PHLDA3: variants seen among roughly 807,000 people sequenced by gnomAD.
PHLDA3 encodes the protein pleckstrin homology like domain family A member 3, also known as pleckstrin homology-like domain family A member 3.
Under a neutral mutation model 7.6 loss-of-function variants are expected in PHLDA3, and 12 were observed. The observed-to-expected ratio is 1.58, with a 90% confidence interval of 1.01 to 2.55. The LOEUF (loss-of-function observed/expected upper bound fraction) is 2.55. Ranked by LOEUF, PHLDA3 falls within the 30% of genes most tolerant of loss-of-function variation. The pLI is 0.00. For missense variants in PHLDA3, 177 were observed against 175.6 expected (o/e 1.01, Z -0.05); for synonymous variants, 104 against 85.1 (o/e 1.22, Z -1.23).
In PHLDA3 at chr1:201,468,486, C is replaced by G. The variant is rs1284437492; in HGVS notation, c.301G>C (p.Gly101Arg). 1 of 1,614,176 alleles carries G rather than the reference C, an allele frequency of 6.2e-7. No individual in the cohort carries two copies. Among genetic ancestry groups the G allele is most frequent in the Admixed American group, 1.7e-5 (1 of 60,024 alleles). ...TGCTGGTTCTTGAACTTGACCAGGC[C>G]TAGGGTGATCTGGGCGTTCCAGCCG... ...DPGWNAQITL[G>R]LVKFKNQQAI... Residue 101 changes from glycine (G) to arginine (R), a missense_variant, in exon 1 of 2, where the codon GGC becomes CGC. Transcript: ENST00000367311.
chr1:201,467,102 G>A (rs1022305986), intron 1 of PHLDA3, among the ~76,000 whole-genome samples: 1 of 152,100 alleles, frequency 6.6e-6, no homozygotes, highest in Non-Finnish European at 1.5e-5. Context: ...CTTGAGCTCA[G>A]GAGTTCGAAA....
At position 201,468,538 on chromosome 1, in the gene PHLDA3, G is replaced by C. The variant is rs1167268749; in HGVS notation, c.249C>G (p.Ile83Met). ...GATCTTCCAGGGGGCAGCGGAAGTC[G>C]ATCTCGCCGCCCCCTTCGGTCACCA... ...FTLVTEGGGEIDFRCPLEDPG... is the reference protein window; with the variant it reads ...FTLVTEGGGEMDFRCPLEDPG... Residue 83 changes from isoleucine to methionine, a missense_variant, in exon 1 of 2, where the codon ATC becomes ATG. Physicochemically the swap from Ile to Met is conservative, Grantham distance 10. Transcript: ENST00000367311. The C allele has an allele frequency of 1.9e-6, 3 of 1,614,102 alleles. No individual in the cohort carries two copies. Among genetic ancestry groups the C allele is most frequent in the Admixed American group, 1.7e-5 (1 of 60,026 alleles).
In PHLDA3 at chr1:201,464,419, A is replaced by G. The variant is rs1663611202; in HGVS notation, c.*1822T>C. On this transcript the variant is annotated 3_prime_UTR_variant, in exon 2 of 2. Coordinates refer to ENST00000367311, the MANE Select transcript of PHLDA3 (RefSeq NM_012396.5). ...ACATATTTATAAAAGTTCTGTTGTAATTAACAAATTCTCATTCAACTGTGT... is the reference window on the plus strand; with the variant it reads ...ACATATTTATAAAAGTTCTGTTGTAGTTAACAAATTCTCATTCAACTGTGT... 2 of 152,250 alleles carry G rather than the reference A, an allele frequency of 1.3e-5. No homozygotes were observed. The highest frequency in any genetic ancestry group is 2.9e-5 in the Non-Finnish European group (2 of 68,050). The allele number at this position is 152,250 out of a possible 1,614,324, so 9.4% of individuals were successfully genotyped here.
chr1:201,466,559 A>G (rs1162674002), intron 1 of PHLDA3: 1 of 152,102 alleles, frequency 6.6e-6, no homozygotes, highest in Non-Finnish European at 1.5e-5. Context: ...TAGTGGGGAG[A>G]GAAGGATCTA....
chr1:201,465,568 C>G lies in PHLDA3; in HGVS notation c.*673G>C, dbSNP rs561303441. ...ATGCTAATGGCCAAACCCCCCCTCA[C>G]CCCCACCACCTTCAGGCCGAACACC... On this transcript the variant is annotated 3_prime_UTR_variant, in exon 2 of 2. Transcript: ENST00000367311. 1 of 155,114 alleles carries G rather than the reference C, an allele frequency of 6.4e-6. No homozygotes were observed. The highest frequency in any genetic ancestry group is 2.0e-4 in the South Asian group (1 of 4,928). The allele number at this position is 155,114 out of a possible 1,614,324, so 9.6% of individuals were successfully genotyped here.
At chr1:201,466,542 G>A (rs1663670156) in intron 1 of PHLDA3, 1 of 152,184 alleles carries the variant, frequency 6.6e-6, no homozygotes, top group Admixed American at 6.5e-5. Context: ...GGTCGCCTAG[G>A]AGGTGGTAGT....
At chr1:201,467,639 T>TACAC (rs56225084) in intron 1 of PHLDA3, 10,814 of 139,770 alleles carry the variant, frequency 0.077, 469 homozygotes, top group Middle Eastern at 0.12. Flanking sequence ...CAACAAACCA[T>TACAC]ACACACACAC....
chr1:201,469,142 G>T lies in PHLDA3; in HGVS notation c.-356C>A. 1 of 229,618 alleles carries T rather than the reference G, an allele frequency of 4.4e-6. No individual in the cohort carries two copies. The allele number at this position is 229,618 out of a possible 1,614,324, so 14.2% of individuals were successfully genotyped here. A position where few individuals can be genotyped will look rare whatever the true frequency, so the allele number is the denominator to read the frequency against. ...CTCCCCTGGGCTCTGTCTGCGCGCT[G>T]GGCGGCAGCTCGCGGGATGTGCCCT... On this transcript the variant is annotated 5_prime_UTR_variant, in exon 1 of 2. Coordinates refer to ENST00000367311, the MANE Select transcript of PHLDA3 (RefSeq NM_012396.5).
chr1:201,468,726 C>T lies in PHLDA3; in HGVS notation c.61G>A (p.Gly21Arg), dbSNP rs1341240262. The T allele has an allele frequency of 6.2e-7, 1 of 1,601,752 alleles. No individual in the cohort carries two copies. The highest frequency in any genetic ancestry group is 8.5e-7 in the Non-Finnish European group (1 of 1,177,910). ...KEGVLEKRSGGLLQLWKRKRC... is the reference protein window; with the variant it reads ...KEGVLEKRSGRLLQLWKRKRC... ...TTCCGCTTCCACAGCTGCAGCAGCC[C>T]GCCGCTGCGCTTCTCCAGCACGCCC... The change falls in exon 1 of 2, where the codon GGG (glycine) becomes AGG (arginine). Residue 21 changes from glycine (G) to arginine (R), a missense_variant. Gly to Arg is a moderately radical substitution (Grantham distance 125). Coordinates refer to ENST00000367311, the MANE Select transcript of PHLDA3 (RefSeq NM_012396.5).
At chr1:201,467,261 A>T (rs1663686863) in intron 1 of PHLDA3, among the ~76,000 whole-genome samples, 1 of 152,070 alleles carries the variant, frequency 6.6e-6, no homozygotes, top group Non-Finnish European at 1.5e-5. Context: ...GGCTGCAGTG[A>T]GCCATGACTA....
At chr1:201,468,038 C>T (rs965835276) in intron 1 of PHLDA3, among the ~76,000 whole-genome samples, 1 of 152,238 alleles carries the variant, frequency 6.6e-6, no homozygotes, top group African/African-American at 2.4e-5. Flanking sequence ...TTCCTTCCAC[C>T]TGAGTCAGGG....
In PHLDA3 at chr1:201,464,906, A is replaced by C. The variant is rs1466639626; in HGVS notation, c.*1335T>G. 1 of 152,170 alleles carries C rather than the reference A, an allele frequency of 6.6e-6. No homozygotes were observed. Among genetic ancestry groups the C allele is most frequent in the East Asian group, 1.9e-4 (1 of 5,198 alleles). The allele number at this position is 152,170 out of a possible 1,614,324, so 9.4% of individuals were successfully genotyped here. A position where few individuals can be genotyped will look rare whatever the true frequency, so the allele number is the denominator to read the frequency against. On this transcript the variant is annotated 3_prime_UTR_variant, in exon 2 of 2. Coordinates refer to ENST00000367311, the MANE Select transcript of PHLDA3 (RefSeq NM_012396.5). ...CAGCTCACTGTAACCTCTGCCTCCC[A>C]GGTTCAAGCAATTCTCCTGCCTCAG...
chr1:201,468,491 G>A lies in PHLDA3; in HGVS notation c.296C>T (p.Thr99Ile), dbSNP rs1230945819. The stretch of plus-strand genomic sequence containing the variant: ...GTTCTTGAACTTGACCAGGCCTAGG[G>A]TGATCTGGGCGTTCCAGCCGGGATC... Reference protein sequence around the residue: ...LEDPGWNAQITLGLVKFKNQQ... With the variant: ...LEDPGWNAQIILGLVKFKNQQ... Residue 99 changes from threonine (T) to isoleucine (I), a missense_variant, in exon 1 of 2, where the codon ACC becomes ATC. Transcript: ENST00000367311. 6.2e-7 allele frequency: 1 copy of A among 1,614,102 alleles called. No homozygotes were observed.
At chr1:201,467,126 C>A (rs1033009202) in intron 1 of PHLDA3, among the ~76,000 whole-genome samples, 1 of 151,766 alleles carries the variant, frequency 6.6e-6, no homozygotes, top group African/African-American at 2.4e-5. Context: ...GCATGGGCAA[C>A]GTGGGGAAAC....
chr1:201,468,556 G>T lies in PHLDA3; in HGVS notation c.231C>A (p.Thr77=). 6.2e-7 allele frequency: 1 copy of T among 1,614,008 alleles called. No homozygotes were observed. Among genetic ancestry groups the T allele is most frequent in the South Asian group, 1.1e-5 (1 of 91,078 alleles). Residue 77 remains threonine, a synonymous_variant, in exon 1 of 2, where the codon ACC becomes ACA. Transcript: ENST00000367311. ...TGRHIYFTLV[T]EGGGEIDFRC... is the part of the protein sequence containing the mutation. Reference sequence around the variant, plus strand: ...GGAAGTCGATCTCGCCGCCCCCTTCGGTCACCAGCGTGAAGTAGATGTGGC... The same window carrying T: ...GGAAGTCGATCTCGCCGCCCCCTTCTGTCACCAGCGTGAAGTAGATGTGGC...
rs1454435740 is a variant in PHLDA3 at position 201,468,513 on chromosome 1, G to T, written c.274C>A (p.Pro92Thr). The T allele has an allele frequency of 1.9e-6, 3 of 1,614,068 alleles. No individual in the cohort carries two copies. Among genetic ancestry groups the T allele is most frequent in the South Asian group, 1.1e-5 (1 of 91,090 alleles). The stretch of plus-strand genomic sequence containing the variant: ...AGGGTGATCTGGGCGTTCCAGCCGG[G>T]ATCTTCCAGGGGGCAGCGGAAGTCG... ...EIDFRCPLED[P>T]GWNAQITLGL... Residue 92 changes from proline (P) to threonine (T), a missense_variant, in exon 1 of 2, where the codon CCC becomes ACC. Physicochemically the swap from Pro to Thr is conservative, Grantham distance 38. Transcript: ENST00000367311.
rs1212761259 is a variant in PHLDA3 at position 201,465,277 on chromosome 1, C to G, written c.*964G>C. 1 of 152,268 alleles carries G rather than the reference C, an allele frequency of 6.6e-6. No individual in the cohort carries two copies. Among genetic ancestry groups the G allele is most frequent in the Non-Finnish European group, 1.5e-5 (1 of 68,072 alleles). The allele number at this position is 152,268 out of a possible 1,614,324, so 9.4% of individuals were successfully genotyped here. ...GGTAGCCTCCTGTAGAAGAGACATT[C>G]ATAGGGACTGAACTGACCAGCTTGA... is the stretch of plus-strand genomic sequence containing the variant. On this transcript the variant is annotated 3_prime_UTR_variant, in exon 2 of 2. Coordinates refer to ENST00000367311, the MANE Select transcript of PHLDA3 (RefSeq NM_012396.5).
chr1:201,468,621 C>A lies in PHLDA3; in HGVS notation c.166G>T (p.Ala56Ser), dbSNP rs754805985. 2 of 1,613,600 alleles carry A rather than the reference C, an allele frequency of 1.2e-6. No homozygotes were observed. The highest frequency in any genetic ancestry group is 1.7e-5 in the Admixed American group (1 of 60,022). Residue 56 changes from alanine (A) to serine (S), a missense_variant, in exon 1 of 2, where the codon GCC becomes TCC. By Grantham distance (99) the Ala-to-Ser change is moderately conservative (BLOSUM62 1). Coordinates refer to ENST00000367311, the MANE Select transcript of PHLDA3 (RefSeq NM_012396.5). ...ACGCACTCCACGGCCTTGATGCGGG[C>A]GAAGCTGAGCTCCTTGGGCCGGCCG... ...TGGRPKELSF[A>S]RIKAVECVES...
intron 1 of PHLDA3, chr1:201,466,597 A>T (rs1473211509): frequency 6.6e-6 from 1 of 152,120 alleles, no homozygotes; most frequent in East Asian, 1.9e-4. Context: ...TTAAGGCTAG[A>T]AGGAAGGCTA....
Sources: gnomAD v4.1 joint callset for allele counts (sites outside exome capture counted in the v4.1 genomes callset) on GRCh38, gnomAD v4.1.1 for gene constraint, MANE v1.5 for transcripts, NCBI Gene and HGNC (gene_info 2026-07-23, HGNC 2026-07-21) for gene names.